Variants in PRELID2 observed in about 807,000 individuals in gnomAD.
PRELID2 encodes PRELI domain containing 2.
PRELID2 carries 25 observed loss-of-function variants against 28.4 expected under a neutral mutation model. That is an observed-to-expected ratio of 0.88 (90% CI 0.64 to 1.23). The LOEUF is 1.23. Ranked by LOEUF, PRELID2 falls within the 50% of genes most tolerant of loss-of-function variation. The pLI is 0.00. For synonymous variants in PRELID2, 76 were observed against 71.6 expected (o/e 1.06, Z -0.31); for missense variants, 201 against 214.4 (o/e 0.94, Z 0.39).
At chr5:145,812,689 T>C (rs1000855367) in intron 4 of PRELID2, among the ~76,000 whole-genome samples, 4 of 152,142 alleles carry the variant, frequency 2.6e-5, no homozygotes, top group Admixed American at 2.6e-4. Flanking sequence ...GCCTAACTGA[T>C]ACAGGAGGAG....
chr5:145,449,300 G>A, the PRELID2 span, among the ~76,000 whole-genome samples: 1 of 152,084 alleles, frequency 6.6e-6, no homozygotes, highest in Non-Finnish European at 1.5e-5. Context: ...GAATGAGGGG[G>A]TTTTATTGAG....
At chr5:145,576,836 T>C (rs1753064937) in intron 1 of PRELID2, among the ~76,000 whole-genome samples, 1 of 152,152 alleles carries the variant, frequency 6.6e-6, no homozygotes, top group Non-Finnish European at 1.5e-5. Context: ...ACAAATAAAA[T>C]AGTAATGTTT....
intron 1 of PRELID2, among the ~76,000 whole-genome samples, chr5:145,655,394 A>G (rs1754375969): frequency 6.6e-6 from 1 of 152,228 alleles, no homozygotes; most frequent in Admixed American, 6.5e-5. Flanking sequence ...AATTGGAAAA[A>G]ACTACTTTAA....
chr5:145,581,288 T>C (rs1287745014), intron 1 of PRELID2, among the ~76,000 whole-genome samples: 1 of 152,072 alleles, frequency 6.6e-6, no homozygotes, highest in African/African-American at 2.4e-5. Context: ...CCATGTGTTG[T>C]CAATATCATC....
the PRELID2 span, among the ~76,000 whole-genome samples, chr5:145,430,466 G>C: frequency 4.9e-4 from 74 of 152,252 alleles, 1 homozygote; most frequent in African/African-American, 1.7e-3. Context: ...CACTGTCTCA[G>C]ATCTAGACCT....
chr5:145,828,512 T>C (rs1251568688), intron 1 of PRELID2, among the ~76,000 whole-genome samples: 1 of 152,204 alleles, frequency 6.6e-6, no homozygotes, highest in Non-Finnish European at 1.5e-5. Context: ...GCTCGTGCTT[T>C]ACCAGTTCGG....
chr5:145,548,436 A>G (rs1022851296), intron 1 of PRELID2, among the ~76,000 whole-genome samples: 2 of 152,136 alleles, frequency 1.3e-5, no homozygotes, highest in African/African-American at 4.8e-5. Flanking sequence ...AAAATCATAT[A>G]ATTTTATTGC....
At chr5:145,685,817 G>A (rs187418162) in intron 1 of PRELID2, among the ~76,000 whole-genome samples, 1 of 152,256 alleles carries the variant, frequency 6.6e-6, no homozygotes, top group East Asian at 1.9e-4. Flanking sequence ...GGGTCACCTA[G>A]AAGAGAAGGT....
At chr5:145,821,056 C>G (rs1754748729) in intron 2 of PRELID2, among the ~76,000 whole-genome samples, 1 of 151,892 alleles carries the variant, frequency 6.6e-6, no homozygotes, top group Admixed American at 6.6e-5. Context: ...CTATTAGAAG[C>G]GTGCCTTTGC....
chr5:145,775,108 T>G (rs1008822489), intron 5 of PRELID2, among the ~76,000 whole-genome samples: 2 of 151,990 alleles, frequency 1.3e-5, no homozygotes, highest in African/African-American at 4.8e-5. Flanking sequence ...GGCATGGTGA[T>G]GTACGCCTGT....
intron 5 of PRELID2, 136 bp downstream of exon 5, chr5:145,796,302 GTTGA>G (rs372878547): frequency 2.9e-5 from 13 of 455,136 alleles, no homozygotes; most frequent in Non-Finnish European, 4.6e-5. Flanking sequence ...TAATTTTGAG[GTTGA>G]TTATTTTTGC....
the PRELID2 span, among the ~76,000 whole-genome samples, chr5:145,287,704 G>A: frequency 6.6e-6 from 1 of 151,942 alleles, no homozygotes; most frequent in Non-Finnish European, 1.5e-5. Context: ...CATCAGTATG[G>A]CACTTTTGAT....
chr5:145,372,952 A>C, the PRELID2 span, among the ~76,000 whole-genome samples: 1 of 56,004 alleles, frequency 1.8e-5, no homozygotes, highest in Non-Finnish European at 3.5e-5. Flanking sequence ...TATATATGAT[A>C]TTATATATTA....
the PRELID2 span, among the ~76,000 whole-genome samples, chr5:145,367,721 G>T: frequency 6.6e-6 from 1 of 151,770 alleles, no homozygotes; most frequent in Admixed American, 6.6e-5. Context: ...TAGCCTTTTT[G>T]AATTGACTTC....
chr5:145,429,706 A>C, the PRELID2 span, among the ~76,000 whole-genome samples: 9 of 151,906 alleles, frequency 5.9e-5, no homozygotes, highest in South Asian at 1.5e-3. Context: ...CAAGTACCAG[A>C]AATATGATAT....
At chr5:145,547,917 A>G (rs1752801378) in intron 1 of PRELID2, among the ~76,000 whole-genome samples, 1 of 152,210 alleles carries the variant, frequency 6.6e-6, no homozygotes, top group African/African-American at 2.4e-5. Context: ...ACCATTTGAC[A>G]TGCAAGAATC....
rs575999025 is a variant in PRELID2, at chr5:145,745,646, G to A, written n.70+19285C>T. Among the ~76,000 whole-genome samples, 233 of 152,200 alleles carry A rather than the reference G, an allele frequency of 1.5e-3. 1 individual carries two copies. Among genetic ancestry groups the A allele is most frequent in the South Asian group, 4.8e-3 (23 of 4,828 alleles). On this transcript the variant is annotated intron_variant and non_coding_transcript_variant, in intron 1 of 2. Coordinates refer to the PRELID2 transcript ENST00000510259. ...GGAGGCCGAGGACGGCAGATCACCT[G>A]AGGTTTGGAGTTTGAGACCAGCCTA...
chr5:145,491,851 T>A (rs1255218870), intron 1 of PRELID2, among the ~76,000 whole-genome samples: 1 of 152,180 alleles, frequency 6.6e-6, no homozygotes, highest in Non-Finnish European at 1.5e-5. Context: ...TCCAGGTTCA[T>A]CCATGTTGTC....
the PRELID2 span, among the ~76,000 whole-genome samples, chr5:145,331,032 C>T: frequency 6.6e-6 from 1 of 152,142 alleles, no homozygotes; most frequent in African/African-American, 2.4e-5. Flanking sequence ...TTCTTATTTA[C>T]CCAGTAGTCA....
Sources: allele counts gnomAD v4.1 joint callset (sites outside exome capture counted in the v4.1 genomes callset), GRCh38; gene constraint gnomAD v4.1.1; transcripts MANE v1.5; gene names NCBI Gene and HGNC (gene_info 2026-07-23, HGNC 2026-07-21).